Variants in PRELID2 observed in about 807,000 individuals in gnomAD.
PRELID2 encodes PRELI domain-containing protein 2.
In PRELID2, 25 loss-of-function variants were observed where a neutral mutation model predicts 28.4. The observed-to-expected ratio is 0.88, with a 90% confidence interval of 0.64 to 1.23. PRELID2 has a LOEUF of 1.23. Ranked by LOEUF, PRELID2 falls within the 50% of genes most tolerant of loss-of-function variation. The pLI is 0.00. For synonymous variants in PRELID2, 76 were observed against 71.6 expected (o/e 1.06, Z -0.31); for missense variants, 201 against 214.4 (o/e 0.94, Z 0.39).
intron 1 of PRELID2, among the ~76,000 whole-genome samples, chr5:145,741,963 TAAATA>T (rs1756809187): frequency 1.4e-5 from 1 of 69,770 alleles, no homozygotes; most frequent in Non-Finnish European, 2.7e-5. Flanking sequence ...TATAATTAAA[TAAATA>T]AATTTATTTA....
intron 1 of PRELID2, among the ~76,000 whole-genome samples, chr5:145,673,118 A>C (rs1288216211): frequency 6.6e-6 from 1 of 152,132 alleles, no homozygotes; most frequent in Non-Finnish European, 1.5e-5. Context: ...GAGATTCTGA[A>C]GTCCACCAGG....
intron 1 of PRELID2, among the ~76,000 whole-genome samples, chr5:145,676,569 G>A (rs1754822194): frequency 6.6e-6 from 1 of 152,130 alleles, no homozygotes; most frequent in African/African-American, 2.4e-5. Context: ...ACAACTCATT[G>A]CTCACTTTTG....
intron 1 of PRELID2, chr5:145,728,427 G>T: frequency 3.6e-6 from 2 of 556,454 alleles, no homozygotes; most frequent in Admixed American, 2.6e-5. Context: ...GCTTCAGCAA[G>T]AGACAAAACA....
chr5:145,627,924 C>A (rs931373618), intron 1 of PRELID2, among the ~76,000 whole-genome samples: 4 of 152,122 alleles, frequency 2.6e-5, no homozygotes, highest in African/African-American at 9.7e-5. Context: ...ATAAATATGT[C>A]CTGGATGTAC....
At chr5:145,609,330 A>G (rs1291594139) in intron 1 of PRELID2, among the ~76,000 whole-genome samples, 1 of 152,188 alleles carries the variant, frequency 6.6e-6, no homozygotes, top group Non-Finnish European at 1.5e-5. Flanking sequence ...GAGGTAAGAA[A>G]ATATTCTCTG....
chr5:145,740,733 T>C (rs1159886769), intron 1 of PRELID2, among the ~76,000 whole-genome samples: 3 of 117,454 alleles, frequency 2.6e-5, no homozygotes, highest in Non-Finnish European at 4.9e-5. Context: ...ACATTAAATA[T>C]TATATATAAA....
At position 145,484,276 on chromosome 5, in the gene PRELID2, C is replaced by T. The variant is rs114427618; in HGVS notation, n.71-10961G>A. Reference sequence around the variant, plus strand: ...AGGGGCATTACAGGCACAGGGACACCGTAAGCATCCCATGGGGTAAGAAAC... The same window carrying T: ...AGGGGCATTACAGGCACAGGGACACTGTAAGCATCCCATGGGGTAAGAAAC... On this transcript the variant is annotated intron_variant and non_coding_transcript_variant, in intron 1 of 2. Coordinates refer to the PRELID2 transcript ENST00000510259. 6.3e-3 allele frequency among the ~76,000 whole-genome samples: 965 copies of T among 152,198 alleles called. 13 individuals carry two copies. Among genetic ancestry groups the T allele is most frequent in the African/African-American group, 0.022 (904 of 41,532 alleles).
chr5:145,762,549 C>A (rs1413864317), intron 6 of PRELID2, among the ~76,000 whole-genome samples: 1 of 152,036 alleles, frequency 6.6e-6, no homozygotes, highest in African/African-American at 2.4e-5. Flanking sequence ...CAAAATAAAA[C>A]AAAACAAAAC....
the PRELID2 span, among the ~76,000 whole-genome samples, chr5:145,329,246 T>C: frequency 1.3e-5 from 2 of 152,310 alleles, no homozygotes; most frequent in South Asian, 2.1e-4. Context: ...TTGCTTAGGA[T>C]TGTCTTGGCT....
the PRELID2 span, among the ~76,000 whole-genome samples, chr5:145,383,362 A>T: frequency 6.7e-6 from 1 of 148,556 alleles, no homozygotes. Context: ...ACACGTCCAT[A>T]TATATATATA....
the PRELID2 span, among the ~76,000 whole-genome samples, chr5:145,252,979 C>T: frequency 6.6e-6 from 1 of 152,004 alleles, no homozygotes; most frequent in Admixed American, 6.6e-5. Context: ...ACTCTAAGGA[C>T]AATCATTGAA....
At chr5:145,446,636 A>G in the PRELID2 span, among the ~76,000 whole-genome samples, 1 of 152,190 alleles carries the variant, frequency 6.6e-6, no homozygotes, top group African/African-American at 2.4e-5. Context: ...ACATAGACCA[A>G]CAGGGAAAGG....
At chr5:145,602,439 T>C (rs1407960159) in intron 1 of PRELID2, among the ~76,000 whole-genome samples, 1 of 152,014 alleles carries the variant, frequency 6.6e-6, no homozygotes, top group South Asian at 2.1e-4. Flanking sequence ...TAGGAAACAA[T>C]AAAGCAATGT....
intron 1 of PRELID2, among the ~76,000 whole-genome samples, chr5:145,585,193 C>G (rs544076414): frequency 1.3e-5 from 2 of 152,080 alleles, no homozygotes; most frequent in African/African-American, 4.8e-5. Context: ...GAAAAGAAAA[C>G]CAAACACCAC....
intron 1 of PRELID2, among the ~76,000 whole-genome samples, chr5:145,615,075 A>G (rs1201729822): frequency 6.6e-6 from 1 of 152,088 alleles, no homozygotes; most frequent in Non-Finnish European, 1.5e-5. Context: ...TGTTTTATGA[A>G]TTTGGGAGCT....
intron 1 of PRELID2, among the ~76,000 whole-genome samples, chr5:145,743,051 T>G (rs1756879254): frequency 6.6e-6 from 1 of 151,932 alleles, no homozygotes; most frequent in African/African-American, 2.4e-5. Context: ...CTTTCAAGTA[T>G]TAAGAAAATT....
intron 1 of PRELID2, among the ~76,000 whole-genome samples, chr5:145,729,655 T>C (rs2400197): frequency 0.82 from 124,153 of 152,190 alleles, 51,068 homozygotes; most frequent in East Asian, 0.88. Flanking sequence ...CAGTCATCCT[T>C]GGGTGTCCGT....
At chr5:145,299,037 T>TA in the PRELID2 span, among the ~76,000 whole-genome samples, 1 of 152,248 alleles carries the variant, frequency 6.6e-6, no homozygotes, top group Non-Finnish European at 1.5e-5. Context: ...TCTAATTTTT[T>TA]ATTATAGAAA....
At chr5:145,774,910 G>C (rs78506901) in intron 5 of PRELID2, among the ~76,000 whole-genome samples, 43 of 152,158 alleles carry the variant, frequency 2.8e-4, no homozygotes, top group African/African-American at 1.0e-3. Context: ...AGTTCAGCTC[G>C]GTTAAAAAAG....
Sources: allele counts gnomAD v4.1 joint callset (sites outside exome capture counted in the v4.1 genomes callset), GRCh38; gene constraint gnomAD v4.1.1; transcripts MANE v1.5; gene names NCBI Gene and HGNC (gene_info 2026-07-23, HGNC 2026-07-21).